Variants in RBMS3 observed in about 807,000 individuals in gnomAD.
The protein encoded by RBMS3 is RNA-binding motif, single-stranded-interacting protein 3.
RBMS3 carries 27 observed loss-of-function variants against 66.8 expected under a neutral mutation model. That is an observed-to-expected ratio of 0.40 (90% CI 0.30 to 0.56). The LOEUF (loss-of-function observed/expected upper bound fraction) is 0.56. RBMS3 is among the 20% of genes least tolerant of loss of function. RBMS3 has a pLI of 0.40. For missense variants in RBMS3, 513 were observed against 549.5 expected, an observed-to-expected ratio of 0.93 and a Z score of 0.66; for synonymous variants, 188 against 183.0, an observed-to-expected ratio of 1.03 and a Z score of -0.22.
chr3:29,532,072 A>G (rs534877999), intron 3 of RBMS3, among the ~76,000 whole-genome samples: 72 of 151,886 alleles, frequency 4.7e-4, no homozygotes, highest in Non-Finnish European at 7.5e-4. Context: ...CATTCAATAC[A>G]TGTCACTTGT....
At chr3:29,648,958 C>A (rs964254859) in intron 4 of RBMS3, among the ~76,000 whole-genome samples, 49 of 152,162 alleles carry the variant, frequency 3.2e-4, no homozygotes, top group Non-Finnish European at 2.1e-4. Context: ...ACCAATGCAA[C>A]TTCACCACCT....
At chr3:29,964,095 T>A (rs1027984424) in intron 12 of RBMS3, among the ~76,000 whole-genome samples, 1 of 152,190 alleles carries the variant, frequency 6.6e-6, no homozygotes, top group African/African-American at 2.4e-5. Flanking sequence ...ACGAAGTGTG[T>A]TTCTGAAATG....
At position 29,307,437 on chromosome 3, in the gene RBMS3, A is replaced by G. The variant is rs1575511002; in HGVS notation, c.75+25681A>G. Reference sequence around the variant, plus strand: ...ATAAAGTAGCCCCTAATCTCTCACCATGATAGGCCAGCTATACATAGTGGT... The same window carrying G: ...ATAAAGTAGCCCCTAATCTCTCACCGTGATAGGCCAGCTATACATAGTGGT... On this transcript the variant is annotated intron_variant, in intron 1 of 14. Transcript: ENST00000383767. Among the ~76,000 whole-genome samples, 3 of 152,032 alleles carry G rather than the reference A, an allele frequency of 2.0e-5. 1 individual carries two copies. The highest frequency in any genetic ancestry group is 4.1e-4 in the South Asian group (2 of 4,828).
chr3:29,581,611 A>G (rs913361733), intron 3 of RBMS3, among the ~76,000 whole-genome samples: 3 of 152,226 alleles, frequency 2.0e-5, no homozygotes, highest in Non-Finnish European at 4.4e-5. Flanking sequence ...AGCTGAATGT[A>G]TATATAATTC....
chr3:29,459,651 C>T (rs534160808), intron 2 of RBMS3, among the ~76,000 whole-genome samples: 128 of 152,286 alleles, frequency 8.4e-4, no homozygotes, highest in African/African-American at 3.0e-3. Flanking sequence ...AGAGTAAAGG[C>T]CCAGCCCATG....
intron 2 of RBMS3, among the ~76,000 whole-genome samples, chr3:29,464,939 A>G (rs2042487855): frequency 6.6e-6 from 1 of 152,234 alleles, no homozygotes; most frequent in Non-Finnish European, 1.5e-5. Flanking sequence ...GAATTCACCT[A>G]TAAGCATTTT....
rs562417406 is a variant in RBMS3 at position 29,955,041 on chromosome 3, T to C, written c.1098+10787T>C. 6.6e-4 allele frequency among the ~76,000 whole-genome samples: 101 copies of C among 152,168 alleles called. 1 individual carries two copies. Among genetic ancestry groups the C allele is most frequent in the South Asian group, 4.1e-3 (20 of 4,830 alleles). ...AGCCCTCTAACTCATAACCAGTATATACCAGAAATGTTACACTACTTAAAG... is the reference window on the plus strand; with the variant it reads ...AGCCCTCTAACTCATAACCAGTATACACCAGAAATGTTACACTACTTAAAG... On this transcript the variant is annotated intron_variant, in intron 12 of 14. Coordinates refer to ENST00000383767, the MANE Select transcript of RBMS3 (RefSeq NM_001003793.3).
intron 1 of RBMS3, among the ~76,000 whole-genome samples, chr3:29,371,210 C>A (rs887265904): frequency 1.3e-5 from 2 of 152,148 alleles, no homozygotes; most frequent in Non-Finnish European, 2.9e-5. Flanking sequence ...ACCTAAGAAT[C>A]ATTTCAACAT....
chr3:29,306,195 A>G (rs1447766931), intron 1 of RBMS3, among the ~76,000 whole-genome samples: 1 of 151,950 alleles, frequency 6.6e-6, no homozygotes, highest in African/African-American at 2.4e-5. Context: ...TTGGAAAACT[A>G]ATCTCCCATT....
chr3:29,794,716 A>G (rs1379809807), intron 6 of RBMS3, among the ~76,000 whole-genome samples: 1 of 152,194 alleles, frequency 6.6e-6, no homozygotes, highest in Non-Finnish European at 1.5e-5. Flanking sequence ...CCTATGAAGC[A>G]CTACTCGTCT....
intron 5 of RBMS3, among the ~76,000 whole-genome samples, chr3:29,759,177 C>T (rs868511370): frequency 3.3e-5 from 5 of 151,828 alleles, no homozygotes; most frequent in East Asian, 1.9e-4. Context: ...GGAATTGTAT[C>T]GGCTGTTAAA....
chr3:29,870,624 T>C (rs1208605021), intron 7 of RBMS3, among the ~76,000 whole-genome samples: 1 of 152,128 alleles, frequency 6.6e-6, no homozygotes, highest in Non-Finnish European at 1.5e-5. Flanking sequence ...AGACTTTGCT[T>C]CAAAGCATGA....
At chr3:29,471,911 T>C (rs1200951585) in intron 2 of RBMS3, among the ~76,000 whole-genome samples, 2 of 152,078 alleles carry the variant, frequency 1.3e-5, no homozygotes, top group African/African-American at 2.4e-5. Flanking sequence ...TTAGGAACTT[T>C]AAACATAACA....
chr3:29,516,858 T>G (rs909076528), intron 3 of RBMS3, among the ~76,000 whole-genome samples: 4 of 152,080 alleles, frequency 2.6e-5, no homozygotes, highest in Non-Finnish European at 5.9e-5. Context: ...AAGGAGATGT[T>G]GAGTTAGCAA....
chr3:29,856,346 G>C (rs1470953364), intron 6 of RBMS3, among the ~76,000 whole-genome samples: 2 of 152,204 alleles, frequency 1.3e-5, no homozygotes, highest in Non-Finnish European at 2.9e-5. Flanking sequence ...AGCAGGAAAA[G>C]AGAGAAGCCA....
At chr3:29,543,024 C>CAG (rs1425761969) in intron 3 of RBMS3, among the ~76,000 whole-genome samples, 1 of 152,116 alleles carries the variant, frequency 6.6e-6, no homozygotes, top group African/African-American at 2.4e-5. Context: ...GAATCCACTG[C>CAG]ATAGCGTCCC....
At chr3:29,340,513 A>T (rs1244429081) in intron 1 of RBMS3, among the ~76,000 whole-genome samples, 1 of 152,166 alleles carries the variant, frequency 6.6e-6, no homozygotes, top group African/African-American at 2.4e-5. Flanking sequence ...GAGTTTAATG[A>T]ATCTCAAAAT....
chr3:29,426,637 A>G (rs967634249), intron 1 of RBMS3, among the ~76,000 whole-genome samples: 1 of 152,252 alleles, frequency 6.6e-6, no homozygotes, highest in Non-Finnish European at 1.5e-5. Flanking sequence ...TGATTGTTTC[A>G]TCACAGCTTA....
rs1419997794 is a variant in RBMS3 at position 30,009,584 on chromosome 3, A to T, written c.*5722A>T. ...TCCTTCACTCCACTAAATTTGAACC[A>T]GTAGCACGGATCAACACGACTTCTG... On this transcript the variant is annotated 3_prime_UTR_variant, in exon 15 of 15. Coordinates refer to ENST00000383767, the MANE Select transcript of RBMS3 (RefSeq NM_001003793.3). The T allele has an allele frequency of 6.6e-6, 1 of 152,178 alleles. No homozygotes were observed. Among genetic ancestry groups the T allele is most frequent in the African/African-American group, 2.4e-5 (1 of 41,450 alleles). The allele number at this position is 152,178 out of a possible 1,614,324, so 9.4% of individuals were successfully genotyped here.
Sources: gnomAD v4.1 joint callset for allele counts (sites outside exome capture counted in the v4.1 genomes callset) on GRCh38, gnomAD v4.1.1 for gene constraint, MANE v1.5 for transcripts, NCBI Gene and HGNC (gene_info 2026-07-23, HGNC 2026-07-21) for gene names.